Variants in XRCC6 observed in about 807,000 individuals in gnomAD.
The protein encoded by XRCC6 is DNA repair protein Ku70.
In XRCC6, 5 loss-of-function variants were observed where a neutral mutation model predicts 65.7. The observed-to-expected ratio is 0.08, with a 90% CI of 0.04 to 0.16. The LOEUF is 0.16. Ranked by LOEUF, XRCC6 falls within the 10% of genes least tolerant of loss-of-function variation. XRCC6 has a pLI of 1.00. For synonymous variants in XRCC6, 270 were observed against 270.6 expected (o/e 1.00, Z 0.02); for missense variants, 447 against 738.1 (o/e 0.61, Z 4.57).
At chr22:41,631,589 T>C (rs2067752038) in intron 3 of XRCC6, among the ~76,000 whole-genome samples, 1 of 118,018 alleles carries the variant, frequency 8.5e-6, no homozygotes, top group African/African-American at 3.7e-5. Flanking sequence ...GCAGAGACGC[T>C]CCTCACTTCC....
At chr22:41,629,680 T>C (rs2067718230) in intron 3 of XRCC6, among the ~76,000 whole-genome samples, 1 of 151,916 alleles carries the variant, frequency 6.6e-6, no homozygotes, top group Admixed American at 6.6e-5. Flanking sequence ...ATTTTTATTA[T>C]TATTTTTGAG....
intron 6 of XRCC6, among the ~76,000 whole-genome samples, chr22:41,645,397 G>A (rs1281207153): frequency 1.3e-5 from 2 of 151,964 alleles, no homozygotes; most frequent in Non-Finnish European, 2.9e-5. Flanking sequence ...AGGAATCTAC[G>A]TAGCAGGAAC....
At chr22:41,648,017 ACTCC>A (rs2067952365) in intron 7 of XRCC6, 1 of 33,106 alleles carries the variant, frequency 3.0e-5, no homozygotes, top group Non-Finnish European at 7.5e-5. Context: ...TCTCTCTCCG[ACTCC>A]CTCCCCTCCC....
intron 6 of XRCC6, among the ~76,000 whole-genome samples, chr22:41,644,117 A>G (rs566719999): frequency 1.4e-4 from 22 of 152,310 alleles, no homozygotes; most frequent in African/African-American, 5.3e-4. Context: ...ACTGCACTCC[A>G]GCCTGGGTGA....
intron 6 of XRCC6, among the ~76,000 whole-genome samples, chr22:41,645,387 AGGAATCTAC>A (rs1261643331): frequency 2.0e-5 from 3 of 152,144 alleles, no homozygotes; most frequent in Admixed American, 6.5e-5. Context: ...AATTAGTTCT[AGGAATCTAC>A]GTAGCAGGAA....
intron 8 of XRCC6, among the ~76,000 whole-genome samples, chr22:41,652,591 C>G (rs927345092): frequency 1.3e-5 from 2 of 152,106 alleles, no homozygotes; most frequent in Non-Finnish European, 2.9e-5. Context: ...GTCTCAAACT[C>G]CTGGGCTTAA....
At chr22:41,630,369 C>T (rs1166909213) in intron 3 of XRCC6, among the ~76,000 whole-genome samples, 1 of 152,018 alleles carries the variant, frequency 6.6e-6, no homozygotes, top group African/African-American at 2.4e-5. Context: ...CCTCAGCCTC[C>T]TGTGTGGCTG....
chr22:41,634,349 C>A lies in XRCC6; in HGVS notation c.196-1764C>A, dbSNP rs899086012. The stretch of plus-strand genomic sequence containing the variant: ...AGTGGGGACTACAAGCATGTGCATG[C>A]CCAGCTAATTTTTTTGTTTTTTGTA... On this transcript the variant is annotated intron_variant, in intron 3 of 12. Transcript: ENST00000360079. Among the ~76,000 whole-genome samples the A allele has an allele frequency of 2.6e-5, 4 of 151,844 alleles. No homozygotes were observed. In the East Asian group the frequency reaches 7.7e-4, roughly 29 times the overall value.
chr22:41,638,947 T>C (rs1335349990), intron 6 of XRCC6, among the ~76,000 whole-genome samples: 2 of 152,164 alleles, frequency 1.3e-5, no homozygotes, highest in African/African-American at 4.8e-5. Flanking sequence ...GGCAGCACAG[T>C]AGGTTTGTTT....
intron 3 of XRCC6, among the ~76,000 whole-genome samples, chr22:41,631,165 ACGGGG>A (rs1222123194): frequency 7.7e-6 from 1 of 129,408 alleles, no homozygotes; most frequent in Admixed American, 7.6e-5. Context: ...TCCCTCCCGG[ACGGGG>A]CGGCTGGCCA....
chr22:41,625,050 A>T (rs2067654847), intron 2 of XRCC6, among the ~76,000 whole-genome samples: 1 of 152,190 alleles, frequency 6.6e-6, no homozygotes, highest in Non-Finnish European at 1.5e-5. Context: ...TCATGCCTGT[A>T]ATCCCAGCAT....
At chr22:41,643,986 A>G (rs1466467716) in intron 6 of XRCC6, among the ~76,000 whole-genome samples, 1 of 144,182 alleles carries the variant, frequency 6.9e-6, no homozygotes, top group Non-Finnish European at 1.5e-5. Context: ...CTCCATCTCA[A>G]AAAAAAAAAA....
intron 6 of XRCC6, among the ~76,000 whole-genome samples, chr22:41,643,915 G>A (rs1273104998): frequency 1.3e-5 from 2 of 149,586 alleles, no homozygotes; most frequent in Admixed American, 6.7e-5. Flanking sequence ...AACCCGGGAG[G>A]CGGAGGTTGC....
In XRCC6 at chr22:41,628,041, A is replaced by G. The variant is rs2067697560; in HGVS notation, c.83-77A>G. ...AATTTATTAGGTTATACTTTCCTTT[A>G]TGGCCTTTATTTATCTTATATGGTA... On this transcript the variant is annotated intron_variant, in intron 2 of 12. Transcript: ENST00000360079. 5.3e-6 allele frequency: 5 copies of G among 941,676 alleles called. No homozygotes were observed. In the East Asian group the frequency reaches 7.7e-5, roughly 15 times the overall value. The allele number at this position is 941,676 out of a possible 1,614,324, so 58.3% of individuals were successfully genotyped here. A position where few individuals can be genotyped will look rare whatever the true frequency, so the allele number is the denominator to read the frequency against.
At chr22:41,632,050 G>T (rs2067759929) in intron 3 of XRCC6, among the ~76,000 whole-genome samples, 1 of 152,022 alleles carries the variant, frequency 6.6e-6, no homozygotes, top group African/African-American at 2.4e-5. Flanking sequence ...ATCAGGCAGG[G>T]AGGTTGCAGT....
chr22:41,651,876 TGG>T (rs1384685265), intron 8 of XRCC6, among the ~76,000 whole-genome samples: 1 of 152,032 alleles, frequency 6.6e-6, no homozygotes, highest in Non-Finnish European at 1.5e-5. Context: ...CTCCGTCCCC[TGG>T]GTTCAAGCGA....
chr22:41,636,638 C>A lies in XRCC6; in HGVS notation c.457C>A (p.Leu153Ile). Reference sequence around the variant, plus strand: ...TGAAGTGCTGTGGGTCTGTGCCAACCTCTTTAGTGATGTCCAATTCAAGAT... The same window carrying A: ...TGAAGTGCTGTGGGTCTGTGCCAACATCTTTAGTGATGTCCAATTCAAGAT... The part of the protein sequence containing the change: ...LSEVLWVCAN[L>I]FSDVQFKMSH... Residue 153 changes from leucine to isoleucine, a missense_variant, in exon 5 of 13, where the codon CTC becomes ATC. Coordinates refer to ENST00000360079, the MANE Select transcript of XRCC6 (RefSeq NM_001469.5). 6.2e-7 allele frequency: 1 copy of A among 1,614,074 alleles called. No homozygotes were observed. The highest frequency in any genetic ancestry group is 8.5e-7 in the Non-Finnish European group (1 of 1,180,018).
chr22:41,638,620 A>C lies in XRCC6; in HGVS notation c.773+829A>C, dbSNP rs541949864. On this transcript the variant is annotated intron_variant, in intron 6 of 12. Coordinates refer to ENST00000360079, the MANE Select transcript of XRCC6 (RefSeq NM_001469.5). ...CCTACATGGTGAAACCTTGTTCTCTACTAAAGATACAAAAATTAGCTGGAC... is the reference window on the plus strand; with the variant it reads ...CCTACATGGTGAAACCTTGTTCTCTCCTAAAGATACAAAAATTAGCTGGAC... Among the ~76,000 whole-genome samples, 5 of 152,068 alleles carry C rather than the reference A, an allele frequency of 3.3e-5. No individual in the cohort carries two copies. In the South Asian group the frequency reaches 1.0e-3, roughly 32 times the overall value.
In XRCC6 at chr22:41,622,022, A is replaced by T; in HGVS notation, c.18A>T (p.Ser6=). 1 of 1,614,250 alleles carries T rather than the reference A, an allele frequency of 6.2e-7. No individual in the cohort carries two copies. The highest frequency in any genetic ancestry group is 8.5e-7 in the Non-Finnish European group (1 of 1,180,032). MSGWE[S]YYKTEGDEEA... ...TAGCCAACATGTCAGGGTGGGAGTCATATTACAAAACCGAGGGCGATGAAG... is the reference window on the plus strand; with the variant it reads ...TAGCCAACATGTCAGGGTGGGAGTCTTATTACAAAACCGAGGGCGATGAAG... Residue 6 remains serine (S), a synonymous_variant, in exon 2 of 13, where the codon TCA becomes TCT. Coordinates refer to ENST00000360079, the MANE Select transcript of XRCC6 (RefSeq NM_001469.5).
Sources: gnomAD v4.1 joint callset for allele counts (sites outside exome capture counted in the v4.1 genomes callset) on GRCh38, gnomAD v4.1.1 for gene constraint, MANE v1.5 for transcripts, NCBI Gene and HGNC (gene_info 2026-07-23, HGNC 2026-07-21) for gene names.